PTPRD: variants seen among roughly 807,000 people sequenced by gnomAD.
The protein encoded by PTPRD is receptor-type tyrosine-protein phosphatase delta.
PTPRD carries 34 observed loss-of-function variants against 214.5 expected under a neutral mutation model. The ratio of observed to expected loss-of-function variants is 0.16; its 90% CI spans 0.12 to 0.21. The LOEUF (loss-of-function observed/expected upper bound fraction) is 0.21. Among genes scored for constraint, PTPRD ranks in the 10% least tolerant of loss-of-function variants. PTPRD has a pLI of 1.00. For synonymous variants in PTPRD, 1,128 were observed against 845.7 expected, an observed-to-expected ratio of 1.33 and a Z score of -5.79; for missense variants, 2,545 against 2,398.7, an observed-to-expected ratio of 1.06 and a Z score of -1.27.
At chr9:8,688,623 T>A (rs774624480) in intron 12 of PTPRD, among the ~76,000 whole-genome samples, 25 of 150,362 alleles carry the variant, frequency 1.7e-4, no homozygotes, top group Non-Finnish European at 3.4e-4. Flanking sequence ...CAATAAGTTA[T>A]AAAAAAAGAA....
intron 3 of PTPRD, among the ~76,000 whole-genome samples, chr9:10,243,105 C>T (rs559883756): frequency 1.2e-3 from 189 of 152,090 alleles, no homozygotes; most frequent in African/African-American, 3.2e-3. Flanking sequence ...ACTTTATGGA[C>T]AATTTAACTG....
At chr9:9,466,483 A>C (rs2094165525) in intron 8 of PTPRD, among the ~76,000 whole-genome samples, 1 of 152,190 alleles carries the variant, frequency 6.6e-6, no homozygotes, top group South Asian at 2.1e-4. Context: ...TGCATTAGAA[A>C]GTTTACATAA....
chr9:10,387,847 G>C (rs10809081), intron 2 of PTPRD, among the ~76,000 whole-genome samples: 1 of 59,986 alleles, frequency 1.7e-5, no homozygotes, highest in African/African-American at 6.6e-5. Flanking sequence ...TTTTTTTTGA[G>C]AAAAGGTCTC....
Position 9,010,916 on chromosome 9 carries a change from C to T in PTPRD, c.-104+7781G>A, listed in dbSNP as rs574598395. ...CTTATTGCACAACAGCCACCAAGGG[C>T]GTCCTCACGAAAGTATGAATAAATA... is the stretch of plus-strand genomic sequence containing the variant. On this transcript the variant is annotated intron_variant, in intron 11 of 45. Coordinates refer to ENST00000381196, the MANE Select transcript of PTPRD (RefSeq NM_002839.4). Among the ~76,000 whole-genome samples, 244 of 152,152 alleles carry T rather than the reference C, an allele frequency of 1.6e-3. 2 individuals are homozygous for T. Among genetic ancestry groups the T allele is most frequent in the African/African-American group, 5.5e-3 (229 of 41,494 alleles).
chr9:9,923,249 G>GAT (rs2083167902), intron 5 of PTPRD, among the ~76,000 whole-genome samples: 1 of 145,872 alleles, frequency 6.9e-6, no homozygotes, highest in African/African-American at 2.5e-5. Flanking sequence ...CTTTCTGTTA[G>GAT]TTTTTTTTTT....
intron 27 of PTPRD, among the ~76,000 whole-genome samples, chr9:8,488,459 A>G (rs1050572362): frequency 2.1e-4 from 32 of 152,238 alleles, no homozygotes; most frequent in Non-Finnish European, 4.7e-4. Context: ...TGTTGTATAT[A>G]TAAAACATGT....
chr9:9,377,640 G>T (rs902128594), intron 9 of PTPRD, among the ~76,000 whole-genome samples: 1 of 152,048 alleles, frequency 6.6e-6, no homozygotes, highest in Admixed American at 6.6e-5. Context: ...AAAGCTTCTG[G>T]AATGGATGGA....
chr9:9,825,656 C>G (rs1360751793), intron 5 of PTPRD, among the ~76,000 whole-genome samples: 1 of 151,884 alleles, frequency 6.6e-6, no homozygotes, highest in Admixed American at 6.6e-5. Flanking sequence ...TCAGGGAAAA[C>G]TTAAAGAAAC....
intron 8 of PTPRD, among the ~76,000 whole-genome samples, chr9:9,490,006 A>T (rs1165114578): frequency 6.6e-6 from 1 of 152,102 alleles, no homozygotes; most frequent in African/African-American, 2.4e-5. Flanking sequence ...TAAAAGGAGC[A>T]AGAGAAAAGC....
intron 11 of PTPRD, among the ~76,000 whole-genome samples, chr9:8,802,031 C>T (rs374659306): frequency 5.9e-5 from 9 of 152,122 alleles, no homozygotes; most frequent in Admixed American, 2.6e-4. Context: ...TATTTATTAT[C>T]GCCAATCTGA....
intron 8 of PTPRD, among the ~76,000 whole-genome samples, chr9:9,544,929 T>A (rs1159330003): frequency 6.6e-6 from 1 of 151,710 alleles, no homozygotes. Flanking sequence ...TATACCTGAA[T>A]ATGTGTGGAG....
At chr9:9,047,359 T>C (rs1455735388) in intron 10 of PTPRD, among the ~76,000 whole-genome samples, 1 of 152,114 alleles carries the variant, frequency 6.6e-6, no homozygotes, top group Non-Finnish European at 1.5e-5. Context: ...ATGCAATCTC[T>C]ATCAAAATAC....
chr9:10,148,383 A>T (rs2099038338), intron 3 of PTPRD, among the ~76,000 whole-genome samples: 1 of 152,228 alleles, frequency 6.6e-6, no homozygotes, highest in African/African-American at 2.4e-5. Flanking sequence ...TGGAACAAAG[A>T]CACAGTTCCT....
chr9:8,567,461 C>A (rs987199839), intron 14 of PTPRD, among the ~76,000 whole-genome samples: 3 of 152,190 alleles, frequency 2.0e-5, no homozygotes, highest in African/African-American at 7.2e-5. Context: ...TCCTTCTTCA[C>A]TAAGGATACC....
chr9:9,631,192 CATAA>C lies in PTPRD; in HGVS notation c.-286-56415_-286-56412del, dbSNP rs140642091. Among the ~76,000 whole-genome samples the C allele has an allele frequency of 5.8e-3, 816 of 139,534 alleles. 13 individuals carry two copies. The highest frequency in any genetic ancestry group is 0.02 in the African/African-American group (736 of 37,090). 91.5% of individuals were successfully genotyped at this position (139,534 alleles called of 152,430 possible). ...GTACTCCTTAGACAAGTATCTCATTCATAAATAAATAAATAAATAAATAAATAAA... is the reference window on the plus strand; with the variant it reads ...GTACTCCTTAGACAAGTATCTCATTCATAAATAAATAAATAAATAAATAAA... On this transcript the variant is annotated intron_variant, in intron 7 of 45. Transcript: ENST00000381196.
intron 36 of PTPRD, among the ~76,000 whole-genome samples, chr9:8,401,120 C>A (rs541291268): frequency 6.6e-6 from 1 of 152,094 alleles, no homozygotes; most frequent in South Asian, 2.1e-4. Flanking sequence ...CTTCCAATAT[C>A]CAAGTATTAG....
chr9:10,251,750 GC>G (rs2092790726), intron 3 of PTPRD, among the ~76,000 whole-genome samples: 1 of 151,974 alleles, frequency 6.6e-6, no homozygotes, highest in Non-Finnish European at 1.5e-5. Flanking sequence ...TGCTCATATC[GC>G]AATGTGACCT....
chr9:10,483,755 T>C (rs962349858), intron 2 of PTPRD, among the ~76,000 whole-genome samples: 2 of 152,064 alleles, frequency 1.3e-5, no homozygotes, highest in African/African-American at 4.8e-5. Flanking sequence ...GCATGGCCAT[T>C]ATTAAAAAGT....
chr9:10,118,199 T>TCTATCTAA (rs1432985446), intron 3 of PTPRD, among the ~76,000 whole-genome samples: 1 of 99,736 alleles, frequency 1.0e-5, no homozygotes, highest in Non-Finnish European at 2.0e-5. Context: ...ACATTTATTA[T>TCTATCTAA]CTATCTATCT....
Sources: allele counts gnomAD v4.1 joint callset (sites outside exome capture counted in the v4.1 genomes callset), GRCh38; gene constraint gnomAD v4.1.1; transcripts MANE v1.5; gene names NCBI Gene and HGNC (gene_info 2026-07-23, HGNC 2026-07-21).